The following DUOX1 variants were observed in gnomAD, a reference collection of about 807,000 sequenced individuals.
DUOX1 encodes dual oxidase 1.
Under a neutral mutation model 181.8 loss-of-function variants are expected in DUOX1, and 134 were observed. The ratio of observed to expected loss-of-function variants is 0.74; its 90% CI spans 0.64 to 0.85. DUOX1 has a LOEUF of 0.85. DUOX1 is among the 40% of genes least tolerant of loss of function. DUOX1 has a pLI of 0.00. For synonymous variants in DUOX1, 798 were observed against 832.5 expected, an observed-to-expected ratio of 0.96 and a Z score of 0.71; for missense variants, 1,814 against 2,064.4, an observed-to-expected ratio of 0.88 and a Z score of 2.35.
At position 45,141,981 on chromosome 15, in the gene DUOX1, C is replaced by T; in HGVS notation, c.1691C>T (p.Pro564Leu). The T allele has an allele frequency of 6.2e-7, 1 of 1,611,438 alleles. No individual in the cohort carries two copies. ...PNVFVWHKGD[P>L]CPQPRQLSTE... Reference sequence around the variant, plus strand: ...GCTTCCTCTGCCTTCCCAGGAGACCCCTGTCCGCAGCCGAGACAGCTCAGC... The same window carrying T: ...GCTTCCTCTGCCTTCCCAGGAGACCTCTGTCCGCAGCCGAGACAGCTCAGC... Residue 564 changes from proline to leucine, a missense_variant, in exon 15 of 34, where the codon CCC (proline) becomes CTC (leucine). Coordinates refer to ENST00000389037, the MANE Select transcript of DUOX1 (RefSeq NM_175940.3).
Position 45,151,175 on chromosome 15 carries a change from T to C in DUOX1, c.2941T>C (p.Leu981=). The change falls in exon 23 of 34, where the codon TTG becomes CTG. Residue 981 remains leucine, a synonymous_variant. Transcript: ENST00000389037. ...RCSRSDIETE[L]TPQRLQCPMD... is the part of the protein sequence containing the mutation. The stretch of plus-strand genomic sequence containing the variant: ...TTCCCGCAGCGACATTGAGACTGAG[T>C]TGACACCTCAGAGACTGCAGTGCCC... 6.2e-7 allele frequency: 1 copy of C among 1,614,104 alleles called. No individual in the cohort carries two copies. The highest frequency in any genetic ancestry group is 8.5e-7 in the Non-Finnish European group (1 of 1,180,010).
intron 24 of DUOX1, 69 bp downstream of exon 24, chr15:45,152,121 C>T: frequency 6.4e-7 from 1 of 1,560,308 alleles, no homozygotes; most frequent in Non-Finnish European, 8.7e-7. Flanking sequence ...GGGGGTGGGG[C>T]CTGCGATAAG....
At chr15:45,134,713 G>A (rs977931253) in intron 4 of DUOX1, among the ~76,000 whole-genome samples, 2 of 152,204 alleles carry the variant, frequency 1.3e-5, no homozygotes, top group Non-Finnish European at 2.9e-5. Flanking sequence ...GATTCTGGCA[G>A]AGTGGACTGA....
Position 45,148,336 on chromosome 15 carries a change from A to T in DUOX1, c.2707A>T (p.Met903Leu). The change falls in exon 21 of 34, where the codon ATG becomes TTG. Residue 903 changes from methionine (M) to leucine (L), a missense_variant. Around this residue, in one of 5 missense-constraint regions of DUOX1, gnomAD observed 1,064 missense variants for 1,152.9 expected, o/e 0.92. Coordinates refer to ENST00000389037, the MANE Select transcript of DUOX1 (RefSeq NM_175940.3). The part of the protein sequence containing the change: ...KAQLAEVVES[M>L]FRESGFQDKE... ...CCAGCTGGCTGAGGTGGTGGAGTCC[A>T]TGTTCCGGGAGTCGGGATTCCAGGA... The T allele has an allele frequency of 6.2e-7, 1 of 1,614,224 alleles. No homozygotes were observed. Among genetic ancestry groups the T allele is most frequent in the African/African-American group, 1.3e-5 (1 of 75,060 alleles).
chr15:45,139,633 G>T (rs186790532), intron 12 of DUOX1, 34 bp downstream of exon 12: 1 of 1,502,872 alleles, frequency 6.7e-7, no homozygotes, highest in Non-Finnish European at 8.9e-7. Context: ...GGGTAGGGCG[G>T]GAGGGACAAG....
At chr15:45,133,387 C>T (rs1313007490) in intron 2 of DUOX1, among the ~76,000 whole-genome samples, 1 of 152,214 alleles carries the variant, frequency 6.6e-6, no homozygotes, top group South Asian at 2.1e-4. Flanking sequence ...CCTCACCACA[C>T]CGACCCTGCC....
chr15:45,147,699 T>C (rs369752498), intron 19 of DUOX1, 41 bp downstream of exon 19: 434 of 1,611,148 alleles, frequency 2.7e-4, no homozygotes, highest in South Asian at 3.5e-4. Context: ...GGACAGGGGC[T>C]GATCTGTTGG....
At position 45,152,037 on chromosome 15, in the gene DUOX1, C is replaced by T; in HGVS notation, c.3178C>T (p.Leu1060=). The T allele has an allele frequency of 6.2e-7, 1 of 1,614,042 alleles. No homozygotes were observed. Among genetic ancestry groups the T allele is most frequent in the Non-Finnish European group, 8.5e-7 (1 of 1,179,970 alleles). ...VFYAIAGGLF[L]ERAYYYAFAA... ...CTACGCCATCGCTGGGGGGCTTTTCCTGGAGAGGGCCTACTGTGAGTGACT... is the reference window on the plus strand; with the variant it reads ...CTACGCCATCGCTGGGGGGCTTTTCTTGGAGAGGGCCTACTGTGAGTGACT... Residue 1060 remains leucine, a synonymous_variant, in exon 24 of 34, where the codon CTG becomes TTG. Transcript: ENST00000389037.
chr15:45,151,775 G>A, intron 23 of DUOX1, 99 bp from the exon 24 acceptor site: 1 of 1,267,710 alleles, frequency 7.9e-7, no homozygotes. Flanking sequence ...GAAGCAGTGG[G>A]CTTCCCTCAC....
chr15:45,146,242 G>A (rs897322724), intron 18 of DUOX1, among the ~76,000 whole-genome samples: 1 of 152,246 alleles, frequency 6.6e-6, no homozygotes, highest in Non-Finnish European at 1.5e-5. Flanking sequence ...GGATCATGTG[G>A]TTGGGGAGAG....
intron 31 of DUOX1, 21 bp downstream of exon 31, chr15:45,162,398 C>A (rs1340242685): frequency 6.2e-7 from 1 of 1,608,130 alleles, no homozygotes; most frequent in Admixed American, 1.7e-5. Context: ...CCCCCACTTC[C>A]CACCAACCCA....
At position 45,165,427 on chromosome 15, in the gene DUOX1, C is replaced by G. The variant is rs971899706; in HGVS notation, c.*526C>G. 1.9e-5 allele frequency: 3 copies of G among 154,524 alleles called. No homozygotes were observed. The highest frequency in any genetic ancestry group is 1.9e-4 in the East Asian group (1 of 5,210). The allele number at this position is 154,524 out of a possible 1,614,324, so 9.6% of individuals were successfully genotyped here. On this transcript the variant is annotated 3_prime_UTR_variant, in exon 34 of 34. Transcript: ENST00000389037. ...GCCATTTACAGAAACCCACTCGGCACCCCAGTCTAACACCACAACTAATTT... is the reference window on the plus strand; with the variant it reads ...GCCATTTACAGAAACCCACTCGGCAGCCCAGTCTAACACCACAACTAATTT...
chr15:45,157,411 C>T (rs62025135), intron 28 of DUOX1, among the ~76,000 whole-genome samples: 4 of 152,106 alleles, frequency 2.6e-5, no homozygotes, highest in African/African-American at 9.7e-5. Context: ...GATGAGAGAT[C>T]CAGAAGAGTG....
intron 32 of DUOX1, 42 bp from the exon 33 acceptor site, chr15:45,163,748 G>A: frequency 6.2e-7 from 1 of 1,613,574 alleles, no homozygotes; most frequent in African/African-American, 1.3e-5. Context: ...ATTGACCCTA[G>A]CTGTGCCTGG....
intron 18 of DUOX1, among the ~76,000 whole-genome samples, chr15:45,146,396 A>T (rs1896656155): frequency 6.6e-6 from 1 of 152,198 alleles, no homozygotes; most frequent in South Asian, 2.1e-4. Context: ...CCCAGAGCCC[A>T]GGCAGGACTG....
chr15:45,161,059 C>T, intron 29 of DUOX1, 69 bp downstream of exon 29: 3 of 1,602,878 alleles, frequency 1.9e-6, no homozygotes, highest in Non-Finnish European at 2.6e-6. Flanking sequence ...AGAGTCTAGA[C>T]CGCACAGTCT....
chr15:45,144,322 G>A lies in DUOX1; in HGVS notation c.2136+87G>A, dbSNP rs1163134280. 9.3e-6 allele frequency: 13 copies of A among 1,404,124 alleles called. No homozygotes were observed. In the Admixed American group the frequency reaches 1.2e-4, roughly 13 times the overall value. 87.0% of individuals were successfully genotyped at this position (1,404,124 alleles called of 1,614,324 possible). On this transcript the variant is annotated intron_variant, in intron 17 of 33. Coordinates refer to ENST00000389037, the MANE Select transcript of DUOX1 (RefSeq NM_175940.3). ...GAGGGGAAGAAGCATGGGGTCAGGA[G>A]GCAGGAAATGATAGTTACTGTGCAG... is the stretch of plus-strand genomic sequence containing the variant.
chr15:45,135,439 C>A (rs944666099), intron 5 of DUOX1, 35 bp from the exon 6 acceptor site: 7 of 1,537,864 alleles, frequency 4.6e-6, no homozygotes, highest in Non-Finnish European at 6.1e-6. Context: ...CGCCGCCGCC[C>A]ATCGACCCGG....
At position 45,162,319 on chromosome 15, in the gene DUOX1, C is replaced by T; in HGVS notation, c.4190C>T (p.Ser1397Phe). ...GGGIGVTPFA[S>F]ILKDLVFKSS... is the part of the protein sequence containing the mutation. ...GGCATTGGGGTCACCCCTTTTGCCT[C>T]CATCCTCAAAGACCTGGTCTTCAAG... Residue 1397 changes from serine to phenylalanine, a missense_variant, in exon 31 of 34, where the codon TCC (serine) becomes TTC (phenylalanine). Coordinates refer to ENST00000389037, the MANE Select transcript of DUOX1 (RefSeq NM_175940.3). 6.2e-7 allele frequency: 1 copy of T among 1,614,108 alleles called. No individual in the cohort carries two copies. The highest frequency in any genetic ancestry group is 8.5e-7 in the Non-Finnish European group (1 of 1,180,020).
Sources: gnomAD v4.1 joint callset for allele counts (sites outside exome capture counted in the v4.1 genomes callset) on GRCh38, gnomAD v4.1.1 for gene constraint, gnomAD v4.1.1 regional missense constraint, MANE v1.5 for transcripts, NCBI Gene and HGNC (gene_info 2026-07-23, HGNC 2026-07-21) for gene names.